The following MMRN1 variants were observed in gnomAD, a reference collection of about 807,000 sequenced individuals.
MMRN1 encodes multimerin 1, also known as multimerin-1.
MMRN1 carries 94 observed loss-of-function variants against 100.7 expected under a neutral mutation model. That is an observed-to-expected ratio of 0.93 (90% CI 0.79 to 1.11). The LOEUF is 1.11. Ranked by LOEUF, MMRN1 falls within the 50% of genes least tolerant of loss-of-function variation. MMRN1 has a pLI of 0.00. For missense variants in MMRN1, 1,606 were observed against 1,439.1 expected (o/e 1.12, Z -1.88); for synonymous variants, 575 against 505.0 (o/e 1.14, Z -1.86).
chr4:89,945,067 A>G (rs1156481847), intron 6 of MMRN1, among the ~76,000 whole-genome samples: 1 of 152,100 alleles, frequency 6.6e-6, no homozygotes, highest in African/African-American at 2.4e-5. Context: ...TTCCCAGACA[A>G]TTCTATTTTT....
chr4:89,949,167 C>G (rs762410244), intron 6 of MMRN1, among the ~76,000 whole-genome samples: 1 of 152,184 alleles, frequency 6.6e-6, no homozygotes, highest in Non-Finnish European at 1.5e-5. Context: ...GTAGAGCCAA[C>G]AGCAATGCAG....
chr4:89,904,545 C>A (rs1042611256), intron 1 of MMRN1, among the ~76,000 whole-genome samples: 1 of 151,602 alleles, frequency 6.6e-6, no homozygotes, highest in African/African-American at 2.4e-5. Context: ...AATATTTGTC[C>A]TTTTGTGTCT....
chr4:89,904,517 A>G (rs565549039), intron 1 of MMRN1, among the ~76,000 whole-genome samples: 20 of 151,834 alleles, frequency 1.3e-4, no homozygotes, highest in Non-Finnish European at 2.2e-4. Context: ...TAAGTACATC[A>G]TATAAGTGAA....
At chr4:89,924,423 C>T (rs111920199) in intron 4 of MMRN1, among the ~76,000 whole-genome samples, 10,317 of 151,978 alleles carry the variant, frequency 0.068, 483 homozygotes, top group African/African-American at 0.13. Flanking sequence ...TTGCCATTTC[C>T]TGAATGAATA....
intron 1 of MMRN1, among the ~76,000 whole-genome samples, chr4:89,887,142 A>T (rs1720956518): frequency 6.6e-6 from 1 of 152,078 alleles, no homozygotes; most frequent in East Asian, 1.9e-4. Context: ...TATTGATGAA[A>T]GCAGTTGAAG....
intron 6 of MMRN1, among the ~76,000 whole-genome samples, chr4:89,946,220 A>C (rs1192800518): frequency 2.6e-5 from 4 of 152,176 alleles, no homozygotes; most frequent in Non-Finnish European, 4.4e-5. Flanking sequence ...AGAAAAGTGC[A>C]AATGTTGTGT....
intron 3 of MMRN1, among the ~76,000 whole-genome samples, chr4:89,915,646 A>G (rs1175121513): frequency 6.6e-6 from 1 of 151,584 alleles, no homozygotes; most frequent in East Asian, 1.9e-4. Context: ...TACTGTAGAC[A>G]CTTGCTGACC....
At chr4:89,911,076 G>A (rs182161688) in intron 2 of MMRN1, among the ~76,000 whole-genome samples, 272 of 151,408 alleles carry the variant, frequency 1.8e-3, no homozygotes, top group Non-Finnish European at 3.0e-3. Context: ...AGGAAATGAG[G>A]ATAATAATAA....
At chr4:89,890,774 T>A (rs547901216), upstream of MMRN1, among the ~76,000 whole-genome samples, 1 of 152,126 alleles carries the variant, frequency 6.6e-6, no homozygotes, top group Non-Finnish European at 1.5e-5. Flanking sequence ...TGTGAACTAT[T>A]CTTACATTCA....
chr4:89,883,732 A>T (rs1368932789), intron 1 of MMRN1, among the ~76,000 whole-genome samples: 2 of 152,146 alleles, frequency 1.3e-5, no homozygotes, highest in African/African-American at 2.4e-5. Flanking sequence ...GATAAACTAA[A>T]GTTTTAAATT....
chr4:89,890,074 C>T (rs1318411029), upstream of MMRN1, among the ~76,000 whole-genome samples: 1 of 152,042 alleles, frequency 6.6e-6, no homozygotes, highest in Non-Finnish European at 1.5e-5. Flanking sequence ...GGCGAGGCTT[C>T]TTGATGAAGA....
chr4:89,914,058 TG>T (rs1226437902), intron 3 of MMRN1, among the ~76,000 whole-genome samples: 2 of 151,356 alleles, frequency 1.3e-5, no homozygotes, highest in African/African-American at 2.4e-5. Context: ...ATGCACTGGT[TG>T]TATTAGGAAC....
intron 6 of MMRN1, among the ~76,000 whole-genome samples, chr4:89,941,007 A>G (rs747304194): frequency 9.9e-5 from 15 of 152,168 alleles, no homozygotes; most frequent in Non-Finnish European, 1.9e-4. Flanking sequence ...ACTGTGTAAA[A>G]ACATGTGCAT....
intron 1 of MMRN1, among the ~76,000 whole-genome samples, chr4:89,887,521 A>G (rs931489756): frequency 2.0e-5 from 3 of 151,978 alleles, no homozygotes; most frequent in African/African-American, 7.2e-5. Context: ...TTGGCTTCAC[A>G]TATTTTGAAA....
chr4:89,888,541 C>G (rs11930346), intron 1 of MMRN1, among the ~76,000 whole-genome samples: 2 of 151,092 alleles, frequency 1.3e-5, no homozygotes, highest in Admixed American at 6.6e-5. Flanking sequence ...CCTATTTAGT[C>G]TCTCTTTTCT....
At chr4:89,923,966 AT>A (rs1332909311) in intron 4 of MMRN1, among the ~76,000 whole-genome samples, 1 of 152,166 alleles carries the variant, frequency 6.6e-6, no homozygotes, top group African/African-American at 2.4e-5. Flanking sequence ...TGGTGGTGTA[AT>A]TTTTTAAGGG....
rs779831986 is a variant in MMRN1 at position 89,935,466 on chromosome 4, T to C, written c.1786T>C (p.Leu596=). The C allele has an allele frequency of 1.4e-5, 23 of 1,613,446 alleles. No homozygotes were observed. In the Admixed American group the frequency reaches 2.8e-4, roughly 20 times the overall value. ...ESLRGECEDM[L]SKCRNDFKFQ... is the part of the protein sequence containing the mutation. Reference sequence around the variant, plus strand: ...TCTCAGAGGTGAATGTGAAGACATGTTATCCAAATGCAGAAATGATTTTAA... The same window carrying C: ...TCTCAGAGGTGAATGTGAAGACATGCTATCCAAATGCAGAAATGATTTTAA... Residue 596 remains leucine (L), a synonymous_variant, in exon 6 of 8, where the codon TTA becomes CTA. Transcript: ENST00000264790.
chr4:89,892,116 G>A (rs1355674859), upstream of MMRN1, among the ~76,000 whole-genome samples: 1 of 151,334 alleles, frequency 6.6e-6, no homozygotes, highest in African/African-American at 2.4e-5. Flanking sequence ...ATCACCTACA[G>A]ACAACCCATG....
Position 89,948,012 on chromosome 4 carries a change from C to T in MMRN1, c.3119-3593C>T, listed in dbSNP as rs1183759033. ...GGATTACAGGCACACACCACCACAC[C>T]CAGCTAATTTTGTATTTTTAGTAGA... On this transcript the variant is annotated intron_variant, in intron 6 of 7. Transcript: ENST00000264790. Among the ~76,000 whole-genome samples, 4 of 152,164 alleles carry T rather than the reference C, an allele frequency of 2.6e-5. No homozygotes were observed. The East Asian group carries it at 7.7e-4, about 29-fold the overall frequency.
Sources: gnomAD v4.1 joint callset for allele counts (sites outside exome capture counted in the v4.1 genomes callset) on GRCh38, gnomAD v4.1.1 for gene constraint, MANE v1.5 for transcripts, NCBI Gene and HGNC (gene_info 2026-07-23, HGNC 2026-07-21) for gene names.